SPATA13: variants seen among roughly 807,000 people sequenced by gnomAD.
The protein encoded by SPATA13 is spermatogenesis-associated protein 13.
In SPATA13, 50 loss-of-function variants were observed where a neutral mutation model predicts 104.0. That is an observed-to-expected ratio of 0.48 (90% CI 0.38 to 0.61). The LOEUF is 0.61. SPATA13 is among the 20% of genes least tolerant of loss of function. The pLI, the probability that SPATA13 is intolerant of heterozygous loss-of-function variation, is 0.00. For missense variants in SPATA13, 1,524 were observed against 1,690.6 expected, an observed-to-expected ratio of 0.90 and a Z score of 1.73; for synonymous variants, 606 against 667.5, an observed-to-expected ratio of 0.91 and a Z score of 1.42.
intron 3 of SPATA13, among the ~76,000 whole-genome samples, chr13:24,149,577 T>A (rs1239485624): frequency 6.6e-6 from 1 of 152,222 alleles, no homozygotes; most frequent in East Asian, 1.9e-4. Flanking sequence ...GAATCAGAGA[T>A]GCCCTGAGGC....
At chr13:24,184,044 G>A (rs1868991954) in intron 1 of SPATA13, among the ~76,000 whole-genome samples, 1 of 152,138 alleles carries the variant, frequency 6.6e-6, no homozygotes, top group African/African-American at 2.4e-5. Flanking sequence ...AAAGCCAGCT[G>A]CCTTCACAGG....
chr13:24,055,034 CTT>C (rs1238789581), intron 3 of SPATA13, among the ~76,000 whole-genome samples: 2 of 152,186 alleles, frequency 1.3e-5, no homozygotes, highest in Non-Finnish European at 2.9e-5. Flanking sequence ...GTAATTCAAA[CTT>C]TATATGCCAA....
intron 4 of SPATA13, among the ~76,000 whole-genome samples, chr13:24,277,009 T>G (rs1475993584): frequency 6.6e-6 from 1 of 152,220 alleles, no homozygotes; most frequent in South Asian, 2.1e-4. Flanking sequence ...CAATGTCTAC[T>G]GAGAGTATGT....
At chr13:24,042,735 A>G (rs1026625339) in intron 3 of SPATA13, among the ~76,000 whole-genome samples, 1 of 152,216 alleles carries the variant, frequency 6.6e-6, no homozygotes, top group Non-Finnish European at 1.5e-5. Context: ...AGAAATCCCT[A>G]AGTGTGAATC....
rs1876635150 is a variant in SPATA13 at position 24,294,772 on chromosome 13, C to G, written c.3114C>G (p.Ala1038=). ...DYSNIKAAYE[A]MKNVACLINE... ...GCAACATAAAGGCAGCATATGAGGCCATGAAGAATGTGGCCTGTCTGATCA... is the reference window on the plus strand; with the variant it reads ...GCAACATAAAGGCAGCATATGAGGCGATGAAGAATGTGGCCTGTCTGATCA... The change falls in exon 10 of 13, where the codon GCC becomes GCG. Residue 1038 remains alanine (A), a synonymous_variant. Transcript: ENST00000382108. 1 of 1,607,150 alleles carries G rather than the reference C, an allele frequency of 6.2e-7. No individual in the cohort carries two copies. Among genetic ancestry groups the G allele is most frequent in the Admixed American group, 1.7e-5 (1 of 59,962 alleles).
At chr13:24,207,185 T>TGGTGGGGAACAACACAC (rs1170998053) in intron 1 of SPATA13, among the ~76,000 whole-genome samples, 1 of 152,032 alleles carries the variant, frequency 6.6e-6, no homozygotes, top group Non-Finnish European at 1.5e-5. Flanking sequence ...CATGGACACA[T>TGGTGGGGAACAACACAC]GGTGGGGAAC....
intron 3 of SPATA13, among the ~76,000 whole-genome samples, chr13:24,117,090 G>A (rs1880871415): frequency 6.6e-6 from 1 of 152,114 alleles, no homozygotes; most frequent in Non-Finnish European, 1.5e-5. Context: ...GCCAACCCAA[G>A]CTTACTAAGA....
At chr13:24,081,251 G>T (rs904280312) in intron 3 of SPATA13, among the ~76,000 whole-genome samples, 1 of 151,952 alleles carries the variant, frequency 6.6e-6, no homozygotes, top group Non-Finnish European at 1.5e-5. Flanking sequence ...TTTTTGGAGG[G>T]GACAAAAAGT....
At chr13:24,039,636 C>T (rs759282801) in intron 3 of SPATA13, among the ~76,000 whole-genome samples, 20 of 152,042 alleles carry the variant, frequency 1.3e-4, no homozygotes, top group Non-Finnish European at 2.5e-4. Context: ...GTTGTTCTTC[C>T]TTTTGTCTCT....
intron 3 of SPATA13, among the ~76,000 whole-genome samples, chr13:24,069,829 G>A (rs1327017146): frequency 6.6e-6 from 1 of 152,170 alleles, no homozygotes; most frequent in African/African-American, 2.4e-5. Context: ...AAGACCAAAT[G>A]GCACTGACCG....
chr13:24,160,701 G>T (rs1882433085), upstream of SPATA13: 5 of 985,170 alleles, frequency 5.1e-6, no homozygotes, highest in South Asian at 1.4e-4. Context: ...GGGGAGCGGG[G>T]CTGGGGCGTG....
At chr13:24,202,444 G>C (rs771417514) in intron 1 of SPATA13, among the ~76,000 whole-genome samples, 1 of 151,828 alleles carries the variant, frequency 6.6e-6, no homozygotes, top group Admixed American at 6.6e-5. Context: ...CTCCTGGAAC[G>C]AGTGTGTGCT....
At chr13:24,179,466 A>G (rs1868654900) in intron 1 of SPATA13, among the ~76,000 whole-genome samples, 4 of 152,270 alleles carry the variant, frequency 2.6e-5, no homozygotes, top group South Asian at 2.1e-4. Flanking sequence ...GGTAAAATGT[A>G]TAAAACATAA....
intron 1 of SPATA13, among the ~76,000 whole-genome samples, chr13:24,184,415 C>T (rs1171059315): frequency 3.3e-5 from 5 of 152,204 alleles, no homozygotes; most frequent in Admixed American, 3.3e-4. Context: ...GCCACCAGCC[C>T]AGAACCATTT....
At chr13:24,266,051 A>G (rs1179404706) in intron 4 of SPATA13, among the ~76,000 whole-genome samples, 2 of 152,174 alleles carry the variant, frequency 1.3e-5, no homozygotes, top group South Asian at 2.1e-4. Context: ...CAAGAACCTT[A>G]ATGAACCTAC....
intron 4 of SPATA13, among the ~76,000 whole-genome samples, chr13:24,264,205 C>A (rs951464299): frequency 1.3e-5 from 2 of 152,134 alleles, no homozygotes; most frequent in African/African-American, 4.8e-5. Context: ...CAGTTCTCAA[C>A]AGCTAGAGTT....
intron 4 of SPATA13, among the ~76,000 whole-genome samples, chr13:24,277,760 G>A (rs1875122730): frequency 6.6e-6 from 1 of 152,150 alleles, no homozygotes. Context: ...AAAATCAAAC[G>A]TCTGTCCTTT....
Position 24,223,666 on chromosome 13 carries a change from G to C in SPATA13, c.737G>C (p.Ser246Thr), listed in dbSNP as rs529928660. The change falls in exon 2 of 13, where the codon AGC becomes ACC. Residue 246 changes from serine (S) to threonine (T), a missense_variant. Ser to Thr is a moderately conservative substitution (Grantham distance 58, BLOSUM62 1). Transcript: ENST00000382108. ...EILVRDPENN[S>T]MGYRRSKSTD... ...CTCGTGAGGGACCCTGAAAACAACA[G>C]CATGGGCTACAGGAGGAGCAAGAGC... 3.4e-5 allele frequency: 53 copies of C among 1,552,162 alleles called. No homozygotes were observed. The African/African-American group carries it at 7.0e-4, about 20-fold the overall frequency.
At chr13:24,282,215 A>G (rs1875590192) in intron 4 of SPATA13, among the ~76,000 whole-genome samples, 1 of 152,106 alleles carries the variant, frequency 6.6e-6, no homozygotes, top group South Asian at 2.1e-4. Context: ...CACCTGGCAC[A>G]TGGCCAGTGC....
Sources: allele counts gnomAD v4.1 joint callset (sites outside exome capture counted in the v4.1 genomes callset), GRCh38; gene constraint gnomAD v4.1.1; transcripts MANE v1.5; gene names NCBI Gene and HGNC (gene_info 2026-07-23, HGNC 2026-07-21).